The following CCDC91 variants were observed in gnomAD, a reference collection of about 807,000 sequenced individuals.
CCDC91 encodes the protein coiled-coil domain-containing protein 91.
In CCDC91, 48 loss-of-function variants were observed where a neutral mutation model predicts 63.2. The ratio of observed to expected loss-of-function variants is 0.76; its 90% CI spans 0.60 to 0.97. The LOEUF is 0.97. Ranked by LOEUF, CCDC91 falls within the 50% of genes least tolerant of loss-of-function variation. CCDC91 has a pLI of 0.00. For missense variants in CCDC91, 500 were observed against 494.6 expected (o/e 1.01, Z -0.10); for synonymous variants, 167 against 165.8 (o/e 1.01, Z -0.06).
intron 11 of CCDC91, among the ~76,000 whole-genome samples, chr12:28,478,814 A>G (rs1951270660): frequency 6.6e-6 from 1 of 152,206 alleles, no homozygotes; most frequent in Non-Finnish European, 1.5e-5. Context: ...ATATGAAGAG[A>G]CAGTTCTCAA....
chr12:28,284,950 A>G (rs1017242053), intron 3 of CCDC91, among the ~76,000 whole-genome samples: 4 of 152,212 alleles, frequency 2.6e-5, no homozygotes, highest in African/African-American at 7.2e-5. Context: ...CTCTCTTTGT[A>G]TGAACTCAAC....
intron 12 of CCDC91, among the ~76,000 whole-genome samples, chr12:28,484,908 G>A (rs1011151869): frequency 4.0e-5 from 6 of 150,184 alleles, no homozygotes; most frequent in African/African-American, 1.5e-4. Flanking sequence ...TATATGTTTA[G>A]TATATGTTAC....
At chr12:28,372,928 T>G (rs936561488) in intron 7 of CCDC91, among the ~76,000 whole-genome samples, 1 of 152,192 alleles carries the variant, frequency 6.6e-6, no homozygotes, top group Non-Finnish European at 1.5e-5. Flanking sequence ...GGAAATAATT[T>G]CAAATTTTTC....
chr12:28,350,268 A>G (rs1435253128), intron 6 of CCDC91, among the ~76,000 whole-genome samples: 1 of 152,216 alleles, frequency 6.6e-6, no homozygotes, highest in African/African-American at 2.4e-5. Context: ...TTTCTTTTAA[A>G]GATCTGGTAT....
intron 12 of CCDC91, among the ~76,000 whole-genome samples, chr12:28,516,351 C>T (rs1461970606): frequency 1.3e-5 from 2 of 151,816 alleles, no homozygotes; most frequent in Non-Finnish European, 2.9e-5. Context: ...ATGCCTAATC[C>T]CAGCACTTTG....
chr12:28,222,274 A>G (rs1440716688), intron 1 of CCDC91, among the ~76,000 whole-genome samples: 3 of 152,096 alleles, frequency 2.0e-5, no homozygotes, highest in Admixed American at 2.0e-4. Context: ...AAGTAACCAC[A>G]GTGTAGAACC....
At chr12:28,235,082 A>G (rs1944850475) in intron 1 of CCDC91, among the ~76,000 whole-genome samples, 3 of 152,148 alleles carry the variant, frequency 2.0e-5, no homozygotes, top group Admixed American at 2.0e-4. Context: ...TGGTAGTCTC[A>G]GCATAGTCAA....
chr12:28,349,240 CTGA>C (rs1306885184), intron 6 of CCDC91, among the ~76,000 whole-genome samples: 1 of 151,942 alleles, frequency 6.6e-6, no homozygotes, highest in East Asian at 1.9e-4. Context: ...CTGTTATTGT[CTGA>C]TGATATTTGT....
chr12:28,444,903 T>C (rs2140266604), intron 8 of CCDC91, among the ~76,000 whole-genome samples: 1 of 152,254 alleles, frequency 6.6e-6, no homozygotes, highest in South Asian at 2.1e-4. Flanking sequence ...ATAGAAAGAT[T>C]AGAAATTTAT....
chr12:28,357,538 A>G (rs1321187515), intron 6 of CCDC91, among the ~76,000 whole-genome samples: 4 of 152,126 alleles, frequency 2.6e-5, no homozygotes, highest in Admixed American at 6.5e-5. Context: ...TTATTGAGTT[A>G]TATACAGAAA....
At chr12:28,194,982 T>A (rs1941632213) in intron 1 of CCDC91, among the ~76,000 whole-genome samples, 1 of 152,166 alleles carries the variant, frequency 6.6e-6, no homozygotes, top group African/African-American at 2.4e-5. Flanking sequence ...CAAGATTTAT[T>A]GCGAACAGTG....
chr12:28,262,815 A>T (rs1387754177), intron 3 of CCDC91, among the ~76,000 whole-genome samples: 3 of 152,090 alleles, frequency 2.0e-5, no homozygotes, highest in African/African-American at 7.2e-5. Context: ...ATGAATGAAT[A>T]TGAAATTATC....
At chr12:28,394,034 T>C (rs1311468677) in intron 8 of CCDC91, among the ~76,000 whole-genome samples, 2 of 152,192 alleles carry the variant, frequency 1.3e-5, no homozygotes, top group Non-Finnish European at 2.9e-5. Flanking sequence ...TACAAAACAT[T>C]GCTGAAAGAA....
rs1949273483 is a variant in CCDC91, at chr12:28,442,414, T to G, written c.763-7747T>G. On this transcript the variant is annotated intron_variant, in intron 8 of 12. Transcript: ENST00000536442. ...GTTTGCCAAGGATTCTTTGAAGATT[T>G]GAATTCACAGTGTCATTATACATAA... Among the ~76,000 whole-genome samples the G allele has an allele frequency of 2.0e-5, 3 of 152,092 alleles. No individual in the cohort carries two copies. In the South Asian group the frequency reaches 6.2e-4, roughly 32 times the overall value.
chr12:28,237,453 A>G (rs1355587474), intron 1 of CCDC91, among the ~76,000 whole-genome samples: 1 of 152,182 alleles, frequency 6.6e-6, no homozygotes, highest in African/African-American at 2.4e-5. Flanking sequence ...TGTCCTCATA[A>G]GAGATAAACA....
At chr12:28,446,928 A>G (rs1041810549) in intron 8 of CCDC91, among the ~76,000 whole-genome samples, 6 of 152,214 alleles carry the variant, frequency 3.9e-5, no homozygotes, top group African/African-American at 1.4e-4. Flanking sequence ...CCTTTCTCCA[A>G]GAGTGGAACA....
At chr12:28,532,666 T>G (rs1941837934) in intron 12 of CCDC91, among the ~76,000 whole-genome samples, 1 of 152,018 alleles carries the variant, frequency 6.6e-6, no homozygotes, top group South Asian at 2.1e-4. Context: ...GTTCGAGTTA[T>G]TATGTCAACA....
intron 8 of CCDC91, among the ~76,000 whole-genome samples, chr12:28,410,672 C>T (rs1169111846): frequency 1.3e-5 from 2 of 151,968 alleles, no homozygotes; most frequent in Non-Finnish European, 2.9e-5. Context: ...TAGGTGTGTG[C>T]CCCCATGCCT....
chr12:28,270,055 T>C (rs1301726002), intron 3 of CCDC91, among the ~76,000 whole-genome samples: 1 of 151,992 alleles, frequency 6.6e-6, no homozygotes, highest in East Asian at 1.9e-4. Flanking sequence ...TGTTTAATAA[T>C]GATTTAATAA....
Sources: allele counts gnomAD v4.1 joint callset (sites outside exome capture counted in the v4.1 genomes callset), GRCh38; gene constraint gnomAD v4.1.1; transcripts MANE v1.5; gene names NCBI Gene and HGNC (gene_info 2026-07-23, HGNC 2026-07-21).